Variants in VPS29 observed in about 807,000 individuals in gnomAD.
VPS29 encodes the protein VPS29 retromer complex component, also known as vacuolar protein sorting-associated protein 29.
In VPS29, 2 loss-of-function variants were observed where a neutral mutation model predicts 20.0. The ratio of observed to expected loss-of-function variants is 0.10; its 90% CI spans 0.04 to 0.31. The LOEUF (loss-of-function observed/expected upper bound fraction) is 0.31. Ranked by LOEUF, VPS29 falls within the 10% of genes least tolerant of loss-of-function variation. The pLI is 1.00. For synonymous variants in VPS29, 81 were observed against 79.3 expected (o/e 1.02, Z -0.12); for missense variants, 120 against 215.3 (o/e 0.56, Z 2.77).
intron 3 of VPS29, 84 bp downstream of exon 3, chr12:110,492,912 G>A: frequency 1.6e-6 from 2 of 1,270,128 alleles, no homozygotes; most frequent in Non-Finnish European, 2.2e-6. Flanking sequence ...GAGCCACTGT[G>A]CCCAGCCACA....
chr12:110,498,761 T>A (rs1371850099), intron 1 of VPS29: 15 of 864,302 alleles, frequency 1.7e-5, no homozygotes, highest in Non-Finnish European at 2.1e-5. Context: ...ACAAAACATC[T>A]GTAAAACTAA....
chr12:110,501,652 C>G, intron 1 of VPS29: 1 of 1,527,968 alleles, frequency 6.5e-7, no homozygotes, highest in African/African-American at 1.4e-5. Flanking sequence ...CCCCAACCAG[C>G]GGGAGGTGCT....
At chr12:110,496,236 G>C in intron 1 of VPS29, 33 bp from the exon 2 acceptor site, 3 of 1,536,708 alleles carry the variant, frequency 2.0e-6, no homozygotes, top group Non-Finnish European at 2.7e-6. Context: ...AAAGCATAAT[G>C]TTAAACACAA....
chr12:110,501,705 G>A (rs1190291125), intron 1 of VPS29: 1 of 1,334,542 alleles, frequency 7.5e-7, no homozygotes, highest in Admixed American at 2.0e-5. Context: ...ACGGAGGACC[G>A]TGCCCCTATC....
At chr12:110,501,585 G>T in intron 1 of VPS29, 1 of 1,535,224 alleles carries the variant, frequency 6.5e-7, no homozygotes, top group South Asian at 1.2e-5. Flanking sequence ...AAACGGGTAC[G>T]AAATTCTGCT....
At chr12:110,499,745 C>T (rs2062968045) in intron 1 of VPS29, among the ~76,000 whole-genome samples, 1 of 151,922 alleles carries the variant, frequency 6.6e-6, no homozygotes. Flanking sequence ...GTGCTCAAAA[C>T]AATACCAAAA....
intron 1 of VPS29, chr12:110,499,165 T>C (rs905870517): frequency 1.6e-5 from 3 of 182,010 alleles, no homozygotes; most frequent in African/African-American, 2.4e-5. Context: ...TCTAAAGATA[T>C]AACTGTATGA....
intron 2 of VPS29, among the ~76,000 whole-genome samples, chr12:110,495,187 C>T (rs867082910): frequency 5.9e-5 from 9 of 152,312 alleles, no homozygotes; most frequent in South Asian, 4.1e-4. Context: ...TCCTTCAAAA[C>T]TCCCTCATGC....
At position 110,502,061 on chromosome 12, in the gene VPS29, G is replaced by T. The variant is rs568981218; in HGVS notation, c.-10C>A. On this transcript the variant is annotated 5_prime_UTR_variant, in exon 1 of 4. Coordinates refer to ENST00000549578, the MANE Select transcript of VPS29 (RefSeq NM_016226.5). The stretch of plus-strand genomic sequence containing the variant: ...CTGCAGCCCTCACCATCCTGTCACC[G>T]GGCTCCGCTCAGTCACCACCACCGT... 5.6e-6 allele frequency: 9 copies of T among 1,611,960 alleles called. 1 individual carries two copies. In the South Asian group the frequency reaches 8.8e-5, roughly 16 times the overall value.
chr12:110,496,735 T>C (rs1457661278), intron 1 of VPS29: 1 of 152,340 alleles, frequency 6.6e-6, no homozygotes, highest in Non-Finnish European at 1.5e-5. Flanking sequence ...AAATTGTTAA[T>C]AGACAAAAAA....
chr12:110,496,963 T>C (rs762469144), intron 1 of VPS29: 2 of 152,164 alleles, frequency 1.3e-5, no homozygotes, highest in Non-Finnish European at 2.9e-5. Flanking sequence ...TTTTATGGTC[T>C]GGATTAAATT....
At chr12:110,499,361 A>T in intron 1 of VPS29, 1 of 922,288 alleles carries the variant, frequency 1.1e-6, no homozygotes, top group Non-Finnish European at 1.5e-6. Flanking sequence ...GTCCTTTAAG[A>T]AAGCAAAAGA....
chr12:110,496,125 G>A lies in VPS29; in HGVS notation c.82C>T (p.Pro28Ser). The change falls in exon 2 of 4, where the codon CCA becomes TCA. Residue 28 changes from proline (P) to serine (S), a missense_variant. Coordinates refer to ENST00000549578, the MANE Select transcript of VPS29 (RefSeq NM_016226.5). ...LPAKFKKLLV[P>S]GKIQHILCTG... ...CAGAGAATGTGCTGAATTTTTCCTG[G>A]CACCAGGAGTTTTTTGAATTTAGCT... is the stretch of plus-strand genomic sequence containing the variant. The A allele has an allele frequency of 1.2e-6, 2 of 1,613,994 alleles. No individual in the cohort carries two copies. Among genetic ancestry groups the A allele is most frequent in the South Asian group, 1.1e-5 (1 of 91,064 alleles).
rs2062904270 is a variant in VPS29 at position 110,496,241 on chromosome 12, A to G, written c.4-38T>C. The G allele has an allele frequency of 7.9e-6, 12 of 1,516,894 alleles. 1 individual carries two copies. The South Asian group carries it at 1.3e-4, about 16-fold the overall frequency. The allele number at this position is 1,516,894 out of a possible 1,614,324, so 94.0% of individuals were successfully genotyped here. On this transcript the variant is annotated intron_variant, in intron 1 of 3. Coordinates refer to ENST00000549578, the MANE Select transcript of VPS29 (RefSeq NM_016226.5). ...AAGGTGAGATAAAGCATAATGTTAA[A>G]CACAATATCAAAACAAAATAGTCTC...
intron 3 of VPS29, among the ~76,000 whole-genome samples, chr12:110,492,599 T>TTTTATTTATTTATTTATTTA (rs58647450): frequency 1.2e-4 from 16 of 132,344 alleles, no homozygotes; most frequent in African/African-American, 1.8e-4. Flanking sequence ...TTTATTTTTA[T>TTTTATTTATTTATTTATTTA]TTTATTTATT....
At position 110,493,018 on chromosome 12, in the gene VPS29, C is replaced by T; in HGVS notation, c.409G>A (p.Gly137Arg). 1 of 1,612,928 alleles carries T rather than the reference C, an allele frequency of 6.2e-7. No homozygotes were observed. Among genetic ancestry groups the T allele is most frequent in the Non-Finnish European group, 8.5e-7 (1 of 1,179,558 alleles). ...KFYINPGSAT[G>R]AYNALETNII... ...CACGTTTCCAAGGCATTATATGCCC[C>T]AGTGGCAGAACCTGGATTAATGTAG... The change falls in exon 3 of 4, where the codon GGG (glycine) becomes AGG (arginine). Residue 137 changes from glycine to arginine, a missense_variant. Transcript: ENST00000549578.
chr12:110,501,335 G>T, intron 1 of VPS29: 2 of 1,516,036 alleles, frequency 1.3e-6, no homozygotes, highest in Non-Finnish European at 1.8e-6. Context: ...TCCAACACCG[G>T]CACTCTCCCC....
At chr12:110,493,868 T>G (rs1333015128) in intron 2 of VPS29, among the ~76,000 whole-genome samples, 1 of 152,134 alleles carries the variant, frequency 6.6e-6, no homozygotes, top group East Asian at 1.9e-4. Flanking sequence ...TAAGTTAGGG[T>G]GTGTTCAAAT....
chr12:110,501,417 C>T, intron 1 of VPS29: 1 of 1,535,298 alleles, frequency 6.5e-7, no homozygotes, highest in South Asian at 1.2e-5. Context: ...GGAATCCTAC[C>T]CTAAAGAGGC....
Sources: gnomAD v4.1 joint callset for allele counts (sites outside exome capture counted in the v4.1 genomes callset) on GRCh38, gnomAD v4.1.1 for gene constraint, MANE v1.5 for transcripts, NCBI Gene and HGNC (gene_info 2026-07-23, HGNC 2026-07-21) for gene names.